The following LUZP2 variants were observed in gnomAD, a reference collection of about 807,000 sequenced individuals.
LUZP2 encodes the protein leucine zipper protein 2.
In LUZP2, 52 loss-of-function variants were observed where a neutral mutation model predicts 51.6. That is an observed-to-expected ratio of 1.01 (90% CI 0.81 to 1.27). The LOEUF is 1.27. Ranked by LOEUF, LUZP2 falls within the 50% of genes most tolerant of loss-of-function variation. LUZP2 has a pLI of 0.00. For synonymous variants in LUZP2, 154 were observed against 137.3 expected, an observed-to-expected ratio of 1.12 and a Z score of -0.85; for missense variants, 436 against 395.4, an observed-to-expected ratio of 1.10 and a Z score of -0.87.
intron 1 of LUZP2, among the ~76,000 whole-genome samples, chr11:24,680,742 C>G (rs1287561067): frequency 6.6e-6 from 1 of 152,074 alleles, no homozygotes; most frequent in African/African-American, 2.4e-5. Context: ...CTAACAAATT[C>G]CTTACGAAAT....
At chr11:24,544,989 G>A (rs1409528207) in intron 1 of LUZP2, among the ~76,000 whole-genome samples, 1 of 152,030 alleles carries the variant, frequency 6.6e-6, no homozygotes, top group African/African-American at 2.4e-5. Flanking sequence ...TCTGACTGGT[G>A]TGAGATGATA....
At chr11:24,867,510 C>T (rs912696460) in intron 5 of LUZP2, among the ~76,000 whole-genome samples, 8 of 152,132 alleles carry the variant, frequency 5.3e-5, no homozygotes, top group African/African-American at 1.7e-4. Flanking sequence ...CCTACCCTTG[C>T]CATTGATGTT....
At chr11:24,596,809 C>A (rs1298972792) in intron 1 of LUZP2, among the ~76,000 whole-genome samples, 1 of 152,136 alleles carries the variant, frequency 6.6e-6, no homozygotes, top group Non-Finnish European at 1.5e-5. Flanking sequence ...GGAACCAAAA[C>A]TATGTACAGT....
rs374175539 is a variant in LUZP2, at chr11:25,016,199, C to G, written c.765+32906C>G. ...CCTCCAAAAGTGCTGGGATTACAAG[C>G]GTGAGCCACCATGCCTGGCCATCAA... On this transcript the variant is annotated intron_variant, in intron 9 of 11. Coordinates refer to ENST00000336930, the MANE Select transcript of LUZP2 (RefSeq NM_001009909.4). Among the ~76,000 whole-genome samples the G allele has an allele frequency of 8.0e-4, 121 of 152,134 alleles. 2 individuals carry two copies. In the South Asian group the frequency reaches 0.024, roughly 31 times the overall value.
At chr11:24,587,660 A>G (rs1309105513) in intron 1 of LUZP2, among the ~76,000 whole-genome samples, 1 of 152,152 alleles carries the variant, frequency 6.6e-6, no homozygotes, top group African/African-American at 2.4e-5. Context: ...TGTGATGACT[A>G]CATATTCAAT....
intron 5 of LUZP2, among the ~76,000 whole-genome samples, chr11:24,858,547 A>G (rs1486671): frequency 0.99 from 151,051 of 152,254 alleles, 74,935 homozygotes; most frequent in Middle Eastern, 1. Flanking sequence ...TTCTACGGGC[A>G]TTGAGTCTCT....
At chr11:24,653,883 G>A (rs922406045) in intron 1 of LUZP2, among the ~76,000 whole-genome samples, 2 of 152,144 alleles carry the variant, frequency 1.3e-5, no homozygotes, top group Admixed American at 6.5e-5. Context: ...TAGTCAAGAG[G>A]TCACTAGCAA....
chr11:25,058,193 A>T (rs566077287), intron 10 of LUZP2, among the ~76,000 whole-genome samples: 16 of 152,116 alleles, frequency 1.1e-4, no homozygotes, highest in Admixed American at 5.2e-4. Flanking sequence ...AATCCCTCCA[A>T]ATAGTGTAGG....
At chr11:24,815,004 A>T (rs1197373145) in intron 5 of LUZP2, among the ~76,000 whole-genome samples, 3 of 139,076 alleles carry the variant, frequency 2.2e-5, no homozygotes, top group Non-Finnish European at 3.1e-5. Context: ...AAAAAAAAAA[A>T]AATAAAAATA....
At chr11:24,653,267 T>TTTAATA (rs1410070683) in intron 1 of LUZP2, among the ~76,000 whole-genome samples, 1 of 152,148 alleles carries the variant, frequency 6.6e-6, no homozygotes, top group Non-Finnish European at 1.5e-5. Flanking sequence ...TTTAAGTGGC[T>TTTAATA]TTAATACTAT....
chr11:24,972,089 C>T (rs759167345), intron 7 of LUZP2, among the ~76,000 whole-genome samples: 148 of 117,086 alleles, frequency 1.3e-3, no homozygotes, highest in Non-Finnish European at 1.9e-3. Context: ...TGCAGTGAGC[C>T]GGGATCATGC....
At chr11:24,702,136 A>T (rs149927021) in intron 1 of LUZP2, among the ~76,000 whole-genome samples, 2 of 152,182 alleles carry the variant, frequency 1.3e-5, no homozygotes, top group African/African-American at 4.8e-5. Flanking sequence ...TTCAATTGTG[A>T]ATTGTTGGTA....
chr11:24,817,524 A>G (rs1224039191), intron 5 of LUZP2, among the ~76,000 whole-genome samples: 1 of 152,052 alleles, frequency 6.6e-6, no homozygotes, highest in East Asian at 1.9e-4. Flanking sequence ...CTGAAATCCA[A>G]ATTTCAACAG....
intron 1 of LUZP2, among the ~76,000 whole-genome samples, chr11:24,538,585 T>C (rs1851253643): frequency 6.6e-6 from 1 of 151,660 alleles, no homozygotes. Flanking sequence ...TGAACTATTC[T>C]ACAAAATTTC....
intron 1 of LUZP2, among the ~76,000 whole-genome samples, chr11:24,572,098 T>A (rs1279163065): frequency 2.6e-5 from 4 of 151,966 alleles, no homozygotes; most frequent in Non-Finnish European, 5.9e-5. Flanking sequence ...AGAGCAGATA[T>A]ATGGGACGGA....
intron 5 of LUZP2, among the ~76,000 whole-genome samples, chr11:24,827,391 TA>T (rs1350815141): frequency 6.6e-6 from 1 of 152,182 alleles, no homozygotes; most frequent in Non-Finnish European, 1.5e-5. Flanking sequence ...TCTTAAGAAA[TA>T]TTTTTTATTA....
intron 10 of LUZP2, among the ~76,000 whole-genome samples, chr11:25,064,767 A>G (rs976812490): frequency 5.3e-5 from 8 of 152,070 alleles, no homozygotes; most frequent in Admixed American, 1.3e-4. Flanking sequence ...TCTCTCTCTT[A>G]TCCTAGGCAC....
At chr11:24,739,575 T>A (rs1206215751) in intron 4 of LUZP2, among the ~76,000 whole-genome samples, 1 of 152,034 alleles carries the variant, frequency 6.6e-6, no homozygotes, top group Non-Finnish European at 1.5e-5. Context: ...AGCATCAGAT[T>A]TACAGAAGCT....
At chr11:25,058,480 C>T (rs2134035312) in intron 10 of LUZP2, among the ~76,000 whole-genome samples, 1 of 152,252 alleles carries the variant, frequency 6.6e-6, no homozygotes, top group South Asian at 2.1e-4. Flanking sequence ...TTATTTTACT[C>T]CTCCCATTTA....
Sources: gnomAD v4.1 joint callset for allele counts (sites outside exome capture counted in the v4.1 genomes callset) on GRCh38, gnomAD v4.1.1 for gene constraint, MANE v1.5 for transcripts, NCBI Gene and HGNC (gene_info 2026-07-23, HGNC 2026-07-21) for gene names.